The following CACNA1I variants were observed in gnomAD, a reference collection of about 807,000 sequenced individuals.
CACNA1I encodes voltage-dependent T-type calcium channel subunit alpha-1I.
CACNA1I carries 74 observed loss-of-function variants against 201.6 expected under a neutral mutation model. The ratio of observed to expected loss-of-function variants is 0.37; its 90% CI spans 0.30 to 0.45. CACNA1I has a LOEUF of 0.45. Ranked by LOEUF, CACNA1I falls within the 20% of genes least tolerant of loss-of-function variation. The probability of loss-of-function intolerance (pLI) is 1.00; values close to 1 mark genes in which losing one functional copy is unlikely to be tolerated. For synonymous variants in CACNA1I, 1,431 were observed against 1,345.2 expected (o/e 1.06, Z -1.40); for missense variants, 2,346 against 3,138.1 (o/e 0.75, Z 6.03).
chr22:39,677,392 C>T lies in CACNA1I; in HGVS notation c.4906C>T (p.Leu1636Phe). The T allele has an allele frequency of 1.3e-6, 2 of 1,594,900 alleles. No individual in the cohort carries two copies. Among genetic ancestry groups the T allele is most frequent in the Non-Finnish European group, 1.7e-6 (2 of 1,172,890 alleles). Residue 1636 changes from leucine (L) to phenylalanine (F), a missense_variant, in exon 30 of 37, where the codon CTC (leucine) becomes TTC (phenylalanine). Transcript: ENST00000402142. This position sits in a 1 kb window ranked among gnomAD's most constrained non-coding sequence, Gnocchi z 4.8. The part of the protein sequence containing the change: ...FMLLFFIYAA[L>F]GVELFGKLVC... ...GCTGCTCTTCTTCATCTATGCTGCTCTCGGGGTGGAGCTCTTTGGGAAGCT... is the reference window on the plus strand; with the variant it reads ...GCTGCTCTTCTTCATCTATGCTGCTTTCGGGGTGGAGCTCTTTGGGAAGCT...
chr22:39,646,049 C>T (rs11705208), intron 7 of CACNA1I, among the ~76,000 whole-genome samples: 20,331 of 152,084 alleles, frequency 0.13, 1,554 homozygotes, highest in Non-Finnish European at 0.18. Context: ...ATGTCCCAGG[C>T]GGATGGGGGC....
chr22:39,642,724 C>A, intron 6 of CACNA1I, 73 bp from the exon 7 acceptor site: 1 of 1,009,730 alleles, frequency 9.9e-7, no homozygotes. Context: ...GGGCCTCTGT[C>A]TGGGGCACTG....
At chr22:39,675,957 C>T (rs2146472081) in intron 29 of CACNA1I, among the ~76,000 whole-genome samples, 1 of 152,310 alleles carries the variant, frequency 6.6e-6, no homozygotes, top group South Asian at 2.1e-4. Flanking sequence ...CTTTATCTTG[C>T]AGGCAGCAGG....
chr22:39,656,600 G>C, intron 10 of CACNA1I: 1 of 518,438 alleles, frequency 1.9e-6, no homozygotes, highest in South Asian at 1.4e-5. Context: ...GGTAGCTCGA[G>C]CCCAGCACAT....
intron 4 of CACNA1I, among the ~76,000 whole-genome samples, chr22:39,623,160 TGTGTGAGGGTGTGTGTGG>T (rs1016970155): frequency 7.2e-4 from 110 of 152,182 alleles, no homozygotes; most frequent in Admixed American, 1.5e-3. Flanking sequence ...TCTCTACATC[TGTGTGAGGGTGTGTGTGG>T]GTGTGAGGGT....
intron 1 of CACNA1I, among the ~76,000 whole-genome samples, chr22:39,595,945 G>A (rs1177251405): frequency 6.6e-6 from 1 of 151,018 alleles, no homozygotes; most frequent in Non-Finnish European, 1.5e-5. Context: ...AAGAGGGCGT[G>A]CGGCAGCTGG....
At chr22:39,663,697 G>GCCCCCCCCCCCC in intron 18 of CACNA1I, 21 bp from the exon 19 acceptor site, 9 of 1,592,534 alleles carry the variant, frequency 5.7e-6, no homozygotes, top group Non-Finnish European at 6.9e-6. Context: ...CGCTCAGGCA[G>GCCCCCCCCCCCC]CCCCCGCCCA....
At position 39,676,950 on chromosome 22, in the gene CACNA1I, C is replaced by T. The variant is rs1935528974; in HGVS notation, c.4855-391C>T. Reference sequence around the variant, plus strand: ...GGGGCCAGCCTGCTGGGTTTGGACCCTTGTCCTACCAGTTACTAGCTGTGC... The same window carrying T: ...GGGGCCAGCCTGCTGGGTTTGGACCTTTGTCCTACCAGTTACTAGCTGTGC... On this transcript the variant is annotated intron_variant, in intron 29 of 36. Transcript: ENST00000402142. The surrounding 1 kb of genome is among the most constrained non-coding windows in gnomAD (Gnocchi z 4.8). Among the ~76,000 whole-genome samples the T allele has an allele frequency of 6.6e-6, 1 of 152,194 alleles. No homozygotes were observed. Among genetic ancestry groups the T allele is most frequent in the Non-Finnish European group, 1.5e-5 (1 of 68,038 alleles).
intron 25 of CACNA1I, 60 bp downstream of exon 25, chr22:39,670,290 T>C (rs1433161803): frequency 1.6e-5 from 25 of 1,539,954 alleles, no homozygotes; most frequent in Non-Finnish European, 2.2e-5. Flanking sequence ...TGCCTGGGCC[T>C]GACCCCAGCC....
chr22:39,679,832 T>A lies in CACNA1I; in HGVS notation c.5505T>A (p.Pro1835=). Residue 1835 remains proline (P), a synonymous_variant, in exon 33 of 37, where the codon CCT becomes CCA. Coordinates refer to ENST00000402142, the MANE Select transcript of CACNA1I (RefSeq NM_021096.4). ...CCATCTTCCACCACTACTCCTCGCC[T>A]GCCGGCTGCAAGAAGTGTCACCACG... ...SGSIFHHYSS[P]AGCKKCHHDK... The A allele has an allele frequency of 6.2e-7, 1 of 1,612,838 alleles. No individual in the cohort carries two copies. The highest frequency in any genetic ancestry group is 1.7e-5 in the Admixed American group (1 of 59,920).
chr22:39,684,251 C>T lies in CACNA1I; in HGVS notation c.5831-51C>T. The T allele has an allele frequency of 1.3e-6, 2 of 1,526,718 alleles. No homozygotes were observed. Among genetic ancestry groups the T allele is most frequent in the South Asian group, 1.2e-5 (1 of 86,890 alleles). 94.6% of individuals were successfully genotyped at this position (1,526,718 alleles called of 1,614,324 possible). A position where few individuals can be genotyped will look rare whatever the true frequency, so the allele number is the denominator to read the frequency against. ...GCTCAATGCCACCTTCCAGGGGCTG[C>T]CCCCTGGCCTGAGCGTGCTCCCTCA... is the stretch of plus-strand genomic sequence containing the variant. On this transcript the variant is annotated intron_variant, in intron 35 of 36. Coordinates refer to ENST00000402142, the MANE Select transcript of CACNA1I (RefSeq NM_021096.4). This position sits in a 1 kb window ranked among gnomAD's most constrained non-coding sequence, Gnocchi z 4.6.
At position 39,634,629 on chromosome 22, in the gene CACNA1I, C is replaced by G. The variant is rs752295720; in HGVS notation, c.645C>G (p.Leu215=). The stretch of plus-strand genomic sequence containing the variant: ...CCATGCTGGGGAATGTCCTGCTGCT[C>G]TGCTTCTTTGTCTTCTTCATCTTTG... ...TLPMLGNVLL[L]CFFVFFIFGI... is the part of the protein sequence containing the mutation. Residue 215 remains leucine (L), a synonymous_variant, in exon 5 of 37, where the codon CTC becomes CTG. Transcript: ENST00000402142. 6.2e-7 allele frequency: 1 copy of G among 1,614,002 alleles called. No homozygotes were observed. The highest frequency in any genetic ancestry group is 1.7e-5 in the Admixed American group (1 of 60,026).
At position 39,629,791 on chromosome 22, in the gene CACNA1I, C is replaced by CGGGGCGCTGTCCACA. The variant is rs1934005920; in HGVS notation, c.581-4767_581-4753dup. Among the ~76,000 whole-genome samples, 1 of 152,142 alleles carries CGGGGCGCTGTCCACA rather than the reference C, an allele frequency of 6.6e-6. No individual in the cohort carries two copies. The highest frequency in any genetic ancestry group is 1.5e-5 in the Non-Finnish European group (1 of 68,002). ...CCCTTTCAGAGATGTGTATGCCGTT[C>CGGGGCGCTGTCCACA]GGGGCGCTGTCCACAGGGGCGTCTG... On this transcript the variant is annotated intron_variant, in intron 4 of 36. Transcript: ENST00000402142. This position sits in a 1 kb window ranked among gnomAD's most constrained non-coding sequence, Gnocchi z 4.8.
chr22:39,636,200 C>T (rs1016599407), intron 5 of CACNA1I, among the ~76,000 whole-genome samples: 11 of 152,202 alleles, frequency 7.2e-5, no homozygotes, highest in African/African-American at 2.7e-4. Context: ...GTCCCGTTCC[C>T]TGATGTCTCC....
At position 39,662,366 on chromosome 22, in the gene CACNA1I, C is replaced by G; in HGVS notation, c.3303C>G (p.Ile1101Met). ...ACTGCAATGGCAGGATGCCCAGCAT[C>G]GCCAAAGACGTCTTCACCAAGATGG... is the stretch of plus-strand genomic sequence containing the variant. ...HEDCNGRMPS[I>M]AKDVFTKMGD... Residue 1101 changes from isoleucine (I) to methionine (M), a missense_variant, in exon 17 of 37, where the codon ATC becomes ATG. By Grantham distance (10) the Ile-to-Met change is conservative. Transcript: ENST00000402142. The G allele has an allele frequency of 6.7e-7, 1 of 1,482,284 alleles. No individual in the cohort carries two copies. The highest frequency in any genetic ancestry group is 8.9e-7 in the Non-Finnish European group (1 of 1,124,048). The allele number at this position is 1,482,284 out of a possible 1,614,324, so 91.8% of individuals were successfully genotyped here. A position where few individuals can be genotyped will look rare whatever the true frequency, so the allele number is the denominator to read the frequency against.
At chr22:39,620,689 G>T (rs1363602895) in intron 4 of CACNA1I, among the ~76,000 whole-genome samples, 1 of 152,128 alleles carries the variant, frequency 6.6e-6, no homozygotes, top group Non-Finnish European at 1.5e-5. Flanking sequence ...GAAGACTGGG[G>T]AAAGAGAGGA....
intron 5 of CACNA1I, among the ~76,000 whole-genome samples, chr22:39,635,018 A>G (rs1230395397): frequency 6.6e-6 from 1 of 152,140 alleles, no homozygotes; most frequent in Non-Finnish European, 1.5e-5. Context: ...CCGCTTGTGT[A>G]TGAAAGCAGG....
intron 24 of CACNA1I, among the ~76,000 whole-genome samples, chr22:39,669,061 G>A (rs1398795913): frequency 6.6e-6 from 1 of 152,136 alleles, no homozygotes; most frequent in African/African-American, 2.4e-5. Context: ...TCCCTCTGGG[G>A]CTAGGCGGGG....
chr22:39,662,478 A>G, intron 17 of CACNA1I, 43 bp downstream of exon 17: 1 of 1,330,684 alleles, frequency 7.5e-7, no homozygotes, highest in Non-Finnish European at 9.8e-7. Flanking sequence ...GCGGTGGGAT[A>G]GGACAGAAGT....
Sources: gnomAD v4.1 joint callset for allele counts (sites outside exome capture counted in the v4.1 genomes callset) on GRCh38, gnomAD v4.1.1 for gene constraint, Gnocchi (gnomAD v3.1) non-coding constraint, MANE v1.5 for transcripts, NCBI Gene and HGNC (gene_info 2026-07-23, HGNC 2026-07-21) for gene names.